The following PFDN4 variants were observed in gnomAD, a reference collection of about 807,000 sequenced individuals.
PFDN4 encodes prefoldin subunit 4.
In PFDN4, 6 loss-of-function variants were observed where a neutral mutation model predicts 17.6. The ratio of observed to expected loss-of-function variants is 0.34; its 90% CI spans 0.19 to 0.67. The LOEUF is 0.67. Among genes scored for constraint, PFDN4 ranks in the 30% least tolerant of loss-of-function variants. The probability of loss-of-function intolerance (pLI) is 0.68; values close to 1 mark genes in which losing one functional copy is unlikely to be tolerated. For missense variants in PFDN4, 119 were observed against 158.4 expected (o/e 0.75, Z 1.33); for synonymous variants, 48 against 51.1 (o/e 0.94, Z 0.26).
At position 54,219,362 on chromosome 20, in the gene PFDN4, A is replaced by G. The variant is rs2092766776; in HGVS notation, c.*212A>G. On this transcript the variant is annotated 3_prime_UTR_variant, in exon 4 of 4. Coordinates refer to ENST00000371419, the MANE Select transcript of PFDN4 (RefSeq NM_002623.4). ...CACCTATGTATTTTGCATAACGATT[A>G]TATCAAGTCTAGGGGCTTCATGTCA... is the stretch of plus-strand genomic sequence containing the variant. 3 of 415,168 alleles carry G rather than the reference A, an allele frequency of 7.2e-6. No homozygotes were observed. The highest frequency in any genetic ancestry group is 1.3e-5 in the Non-Finnish European group (3 of 238,848). The allele number at this position is 415,168 out of a possible 1,614,324, so 25.7% of individuals were successfully genotyped here.
Position 54,214,351 on chromosome 20 carries a change from G to T in PFDN4, c.25G>T (p.Ala9Ser). Residue 9 changes from alanine to serine, a missense_variant and splice_region_variant, in exon 2 of 4, where the codon GCT becomes TCT. Physicochemically the swap from Ala to Ser is moderately conservative, Grantham distance 99. Around this residue, in one of 3 missense-constraint regions of PFDN4, gnomAD observed 29 missense variants for 18.9 expected, o/e 1.54. Coordinates refer to ENST00000371419, the MANE Select transcript of PFDN4 (RefSeq NM_002623.4). ...ACAAAAACTTAAACACTTCTTTCAG[G>T]CTGCAGAAGATGTCAATGTTACTTT... is the stretch of plus-strand genomic sequence containing the variant. MAATMKKA[A>S]AEDVNVTFED... The T allele has an allele frequency of 6.5e-7, 1 of 1,539,580 alleles. No individual in the cohort carries two copies. The highest frequency in any genetic ancestry group is 1.2e-5 in the South Asian group (1 of 85,372).
At chr20:54,215,221 C>T (rs529480120) in intron 2 of PFDN4, 79 bp from the exon 3 acceptor site, 1 of 988,706 alleles carries the variant, frequency 1.0e-6, no homozygotes, top group South Asian at 1.8e-5. Flanking sequence ...CAGAGAGTTG[C>T]TGTCCCCAAA....
intron 3 of PFDN4, among the ~76,000 whole-genome samples, chr20:54,216,041 G>A (rs1268198854): frequency 6.6e-6 from 1 of 152,178 alleles, no homozygotes; most frequent in Non-Finnish European, 1.5e-5. Context: ...GGGGTCACGG[G>A]TCTTATTGTT....
At position 54,219,664 on chromosome 20, in the gene PFDN4, AT is replaced by A; in HGVS notation, c.*520del. 1 of 397,796 alleles carries A rather than the reference AT, an allele frequency of 2.5e-6. No individual in the cohort carries two copies. The highest frequency in any genetic ancestry group is 4.4e-6 in the Non-Finnish European group (1 of 225,752). The allele number at this position is 397,796 out of a possible 1,614,324, so 24.6% of individuals were successfully genotyped here. ...TTATATTTAAACATACATATTTAAC[AT>A]TTTTTACATATCTATCAATATCAGA... On this transcript the variant is annotated 3_prime_UTR_variant, in exon 4 of 4. Transcript: ENST00000371419.
In PFDN4 at chr20:54,219,000, TA is replaced by T; in HGVS notation, c.274-15del. On this transcript the variant is annotated intron_variant, in intron 3 of 3. Coordinates refer to ENST00000371419, the MANE Select transcript of PFDN4 (RefSeq NM_002623.4). ...ATCATCCTATTGAATAGAATTAATTTAAAATATTTTTTTTCCAGAAAAATTT... is the reference window on the plus strand; with the variant it reads ...ATCATCCTATTGAATAGAATTAATTTAAATATTTTTTTTCCAGAAAAATTT... 3 of 1,408,574 alleles carry T rather than the reference TA, an allele frequency of 2.1e-6. No homozygotes were observed. Among genetic ancestry groups the T allele is most frequent in the Non-Finnish European group, 2.9e-6 (3 of 1,033,934 alleles). The allele number at this position is 1,408,574 out of a possible 1,614,324, so 87.3% of individuals were successfully genotyped here.
At chr20:54,216,644 T>TTTTA (rs556892830) in intron 3 of PFDN4, among the ~76,000 whole-genome samples, 443 of 151,940 alleles carry the variant, frequency 2.9e-3, no homozygotes, top group Non-Finnish European at 4.6e-3. Flanking sequence ...TTTTATTTTA[T>TTTTA]TTTATTTATT....
chr20:54,208,551 G>T, intron 1 of PFDN4: 1 of 166,712 alleles, frequency 6.0e-6, no homozygotes. Flanking sequence ...CTGGGAGCGT[G>T]GTTACGGGTG....
At chr20:54,212,410 T>G (rs2092757192) in intron 1 of PFDN4, among the ~76,000 whole-genome samples, 1 of 152,094 alleles carries the variant, frequency 6.6e-6, no homozygotes, top group African/African-American at 2.4e-5. Flanking sequence ...AAAACCACTG[T>G]AAAGATCTGG....
chr20:54,216,857 A>G (rs1206829942), intron 3 of PFDN4, among the ~76,000 whole-genome samples: 7 of 151,994 alleles, frequency 4.6e-5, no homozygotes, highest in African/African-American at 9.7e-5. Flanking sequence ...GGGTTTCACC[A>G]TGTTGGGCAG....
At position 54,217,507 on chromosome 20, in the gene PFDN4, G is replaced by A. The variant is rs944395694; in HGVS notation, c.274-1512G>A. Among the ~76,000 whole-genome samples the A allele has an allele frequency of 2.6e-5, 4 of 152,280 alleles. No homozygotes were observed. The South Asian group carries it at 6.2e-4, about 24-fold the overall frequency. ...TCTGTGAAGGGCCAGAAGTAAATACGTTAGGTTTTGTGGGCTGCACAGCCT... is the reference window on the plus strand; with the variant it reads ...TCTGTGAAGGGCCAGAAGTAAATACATTAGGTTTTGTGGGCTGCACAGCCT... On this transcript the variant is annotated intron_variant, in intron 3 of 3. Coordinates refer to ENST00000371419, the MANE Select transcript of PFDN4 (RefSeq NM_002623.4).
intron 1 of PFDN4, among the ~76,000 whole-genome samples, chr20:54,209,329 C>T (rs184607276): frequency 5.7e-4 from 87 of 152,284 alleles, no homozygotes; most frequent in Admixed American, 2.4e-3. Context: ...CACATTAGAA[C>T]TTCTTTGCTT....
intron 3 of PFDN4, among the ~76,000 whole-genome samples, chr20:54,215,879 T>A (rs1401340853): frequency 6.6e-6 from 1 of 152,260 alleles, no homozygotes; most frequent in African/African-American, 2.4e-5. Flanking sequence ...GTTGGGACAA[T>A]TAATGTTCCA....
rs1196221146 is a variant in PFDN4, at chr20:54,219,031, G to A, written c.286G>A (p.Glu96Lys). ...MLEEAKKNLQ[E>K]EIDALESRVE... Reference sequence around the variant, plus strand: ...ATTTTTTTTCCAGAAAAATTTGCAAGAAGAAATTGACGCCTTAGAATCCAG... The same window carrying A: ...ATTTTTTTTCCAGAAAAATTTGCAAAAAGAAATTGACGCCTTAGAATCCAG... Residue 96 changes from glutamate (E) to lysine (K), a missense_variant, in exon 4 of 4, where the codon GAA (glutamate) becomes AAA (lysine). Around this residue, in one of 3 missense-constraint regions of PFDN4, gnomAD observed 81 missense variants for 111.7 expected, o/e 0.73. Coordinates refer to ENST00000371419, the MANE Select transcript of PFDN4 (RefSeq NM_002623.4). The A allele has an allele frequency of 1.3e-6, 2 of 1,538,738 alleles. No individual in the cohort carries two copies. Among genetic ancestry groups the A allele is most frequent in the African/African-American group, 1.4e-5 (1 of 71,842 alleles).
At chr20:54,216,985 T>C (rs577177592) in intron 3 of PFDN4, among the ~76,000 whole-genome samples, 1 of 152,274 alleles carries the variant, frequency 6.6e-6, no homozygotes, top group South Asian at 2.1e-4. Flanking sequence ...TTACTCATTC[T>C]AGAATTCTAG....
chr20:54,219,006 AT>A lies in PFDN4; in HGVS notation c.274-5del, dbSNP rs778109659. On this transcript the variant is annotated splice_polypyrimidine_tract_variant and intron_variant, in intron 3 of 3. Transcript: ENST00000371419. ...CTATTGAATAGAATTAATTTAAAATATTTTTTTTCCAGAAAAATTTGCAAGA... is the reference window on the plus strand; with the variant it reads ...CTATTGAATAGAATTAATTTAAAATATTTTTTTCCAGAAAAATTTGCAAGA... The A allele has an allele frequency of 6.2e-5, 89 of 1,429,750 alleles. No individual in the cohort carries two copies. Among genetic ancestry groups the A allele is most frequent in the Admixed American group, 1.1e-4 (5 of 43,606 alleles). 88.6% of individuals were successfully genotyped at this position (1,429,750 alleles called of 1,614,324 possible).
At position 54,208,123 on chromosome 20, in the gene PFDN4, C is replaced by A; in HGVS notation, c.23C>A (p.Ala8Glu). 2 of 1,556,806 alleles carry A rather than the reference C, an allele frequency of 1.3e-6. No homozygotes were observed. Among genetic ancestry groups the A allele is most frequent in the East Asian group, 2.4e-5 (1 of 41,038 alleles). Residue 8 changes from alanine (A) to glutamate (E), a missense_variant and splice_region_variant, in exon 1 of 4, where the codon GCG becomes GAG. Around this residue, in one of 3 missense-constraint regions of PFDN4, gnomAD observed 29 missense variants for 18.9 expected, o/e 1.54. Transcript: ENST00000371419. The part of the protein sequence containing the change: MAATMKK[A>E]AAEDVNVTFE... Reference sequence around the variant, plus strand: ...AAGATGGCGGCCACCATGAAGAAGGCGGTGAGTGGGGAGCTCGGGGCTCTG... The same window carrying A: ...AAGATGGCGGCCACCATGAAGAAGGAGGTGAGTGGGGAGCTCGGGGCTCTG...
At chr20:54,211,577 A>C (rs1163612256) in intron 1 of PFDN4, among the ~76,000 whole-genome samples, 2 of 152,210 alleles carry the variant, frequency 1.3e-5, no homozygotes, top group East Asian at 1.9e-4. Flanking sequence ...GTGGTTCCAA[A>C]GAATTGGGTA....
chr20:54,214,956 C>G (rs1303626619), intron 2 of PFDN4, among the ~76,000 whole-genome samples: 1 of 152,200 alleles, frequency 6.6e-6, no homozygotes, highest in East Asian at 1.9e-4. Context: ...ACCCTATCAG[C>G]AAGCAAGGCT....
At chr20:54,215,557 C>T (rs1454295158) in intron 3 of PFDN4, 117 bp downstream of exon 3, 1 of 638,086 alleles carries the variant, frequency 1.6e-6, no homozygotes, top group African/African-American at 1.8e-5. Context: ...CTTGTTATGT[C>T]CCAGGCATGC....
Sources: gnomAD v4.1 joint callset for allele counts (sites outside exome capture counted in the v4.1 genomes callset) on GRCh38, gnomAD v4.1.1 for gene constraint, gnomAD v4.1.1 regional missense constraint, MANE v1.5 for transcripts, NCBI Gene and HGNC (gene_info 2026-07-23, HGNC 2026-07-21) for gene names.